The following CTNNA2 variants were observed in gnomAD, a reference collection of about 807,000 sequenced individuals.
CTNNA2 encodes the protein catenin alpha-2.
CTNNA2 carries 42 observed loss-of-function variants against 101.0 expected under a neutral mutation model. That is an observed-to-expected ratio of 0.42 (90% CI 0.32 to 0.54). The LOEUF is 0.54. Among genes scored for constraint, CTNNA2 ranks in the 20% least tolerant of loss-of-function variants. CTNNA2 has a pLI of 0.14. For missense variants in CTNNA2, 871 were observed against 1,223.1 expected, an observed-to-expected ratio of 0.71 and a Z score of 4.29; for synonymous variants, 450 against 456.4, an observed-to-expected ratio of 0.99 and a Z score of 0.18.
At chr2:79,470,387 A>G (rs545900194) in intron 4 of CTNNA2, among the ~76,000 whole-genome samples, 1 of 152,330 alleles carries the variant, frequency 6.6e-6, no homozygotes, top group Admixed American at 6.5e-5. Context: ...CTGTAAATCC[A>G]AAGTAGCCCA....
chr2:79,288,966 C>T (rs552465057), intron 2 of CTNNA2, among the ~76,000 whole-genome samples: 40 of 152,270 alleles, frequency 2.6e-4, no homozygotes, highest in Admixed American at 4.6e-4. Context: ...ATTTGATAGT[C>T]ACTTTTTTTC....
At chr2:79,839,051 C>T (rs183213883) in intron 3 of CTNNA2, among the ~76,000 whole-genome samples, 15 of 152,054 alleles carry the variant, frequency 9.9e-5, no homozygotes, top group East Asian at 1.9e-4. Context: ...ATCTTTTAAG[C>T]GCACCCTATT....
chr2:80,150,714 C>T (rs1703646014), intron 7 of CTNNA2, among the ~76,000 whole-genome samples: 1 of 152,054 alleles, frequency 6.6e-6, no homozygotes, highest in Admixed American at 6.5e-5. Context: ...AGCACTATTC[C>T]CTGTAATTGC....
intron 4 of CTNNA2, among the ~76,000 whole-genome samples, chr2:79,434,676 A>G (rs140811985): frequency 6.6e-6 from 1 of 152,286 alleles, no homozygotes; most frequent in Admixed American, 6.5e-5. Flanking sequence ...AACAAAGATC[A>G]TCAGCCTAGG....
chr2:80,411,471 G>A (rs1420624675), intron 8 of CTNNA2, among the ~76,000 whole-genome samples: 1 of 152,148 alleles, frequency 6.6e-6, no homozygotes, highest in Non-Finnish European at 1.5e-5. Flanking sequence ...CTCCACAGGG[G>A]CTCTTCTTCT....
At chr2:79,624,663 G>T (rs987590617) in intron 1 of CTNNA2, among the ~76,000 whole-genome samples, 2 of 152,092 alleles carry the variant, frequency 1.3e-5, no homozygotes, top group Non-Finnish European at 2.9e-5. Context: ...AATCAATATT[G>T]ATTGAAAATA....
rs540641879 is a variant in CTNNA2, at chr2:79,859,880, T to G, written c.465+1701T>G. Among the ~76,000 whole-genome samples the G allele has an allele frequency of 1.6e-4, 24 of 152,296 alleles. 1 individual carries two copies. In the South Asian group the frequency reaches 5.0e-3, roughly 32 times the overall value. ...CCAGATAAATCTCAGATATCTCATC[T>G]GTTAAAGTGGGGCTAATGGCAGTGG... On this transcript the variant is annotated intron_variant, in intron 4 of 18. Coordinates refer to ENST00000402739, the MANE Select transcript of CTNNA2 (RefSeq NM_001282597.3).
At chr2:80,552,389 T>G (rs2149650310) in intron 11 of CTNNA2, among the ~76,000 whole-genome samples, 1 of 152,302 alleles carries the variant, frequency 6.6e-6, no homozygotes, top group African/African-American at 2.4e-5. Flanking sequence ...GCCTGTAGAT[T>G]GTTTTTAATA....
At chr2:79,430,431 G>A (rs1360052866) in intron 4 of CTNNA2, among the ~76,000 whole-genome samples, 3 of 152,056 alleles carry the variant, frequency 2.0e-5, no homozygotes, top group Non-Finnish European at 4.4e-5. Context: ...ACCTAGAAGC[G>A]CTGGCCTTAA....
Position 80,303,753 on chromosome 2 carries a change from A to T in CTNNA2, c.1057-89458A>T. ...ATCTGAAAGCAGGCCCCCAGCAGAC[A>T]CAAGACCACCCCCGAGGGCCTCCTC... On this transcript the variant is annotated intron_variant, in intron 7 of 18. Transcript: ENST00000402739. The surrounding 1 kb of genome is among the most constrained non-coding windows in gnomAD (Gnocchi z 7.7). The T allele has an allele frequency of 6.3e-7, 1 of 1,587,724 alleles. No individual in the cohort carries two copies. The highest frequency in any genetic ancestry group is 8.6e-7 in the Non-Finnish European group (1 of 1,167,670).
intron 3 of CTNNA2, among the ~76,000 whole-genome samples, chr2:79,820,207 C>T (rs1574054755): frequency 6.6e-6 from 1 of 152,102 alleles, no homozygotes; most frequent in Non-Finnish European, 1.5e-5. Context: ...AATCAATGGC[C>T]GTTTTATTGT....
chr2:80,397,565 G>A (rs1678131003), intron 8 of CTNNA2, among the ~76,000 whole-genome samples: 1 of 152,154 alleles, frequency 6.6e-6, no homozygotes, highest in Non-Finnish European at 1.5e-5. Context: ...TTTATAAAGG[G>A]GAATTCCCCT....
At chr2:80,325,344 G>T (rs1370862936) in intron 7 of CTNNA2, among the ~76,000 whole-genome samples, 2 of 152,116 alleles carry the variant, frequency 1.3e-5, no homozygotes, top group African/African-American at 4.8e-5. Flanking sequence ...GAAGTATTTG[G>T]CAATTAAATG....
intron 17 of CTNNA2, chr2:80,616,337 C>T (rs1698849803): frequency 6.6e-6 from 1 of 151,602 alleles, no homozygotes; most frequent in Non-Finnish European, 1.5e-5. Flanking sequence ...TGCTGCTATC[C>T]ACATTTATTG....
intron 7 of CTNNA2, among the ~76,000 whole-genome samples, chr2:80,039,707 T>C (rs1695909320): frequency 6.6e-6 from 1 of 152,192 alleles, no homozygotes; most frequent in African/African-American, 2.4e-5. Context: ...ATTTCTGTGT[T>C]CATTGGCTTC....
Position 79,854,894 on chromosome 2 carries a change from C to T in CTNNA2, c.299-3119C>T, listed in dbSNP as rs540347407. Among the ~76,000 whole-genome samples, 9 of 152,274 alleles carry T rather than the reference C, an allele frequency of 5.9e-5. No individual in the cohort carries two copies. The South Asian group carries it at 1.9e-3, about 32-fold the overall frequency. Reference sequence around the variant, plus strand: ...AAATATTTCAATCTTATAGAAAAAGCACTTTTCTCTACATTCCTGGGAAAG... The same window carrying T: ...AAATATTTCAATCTTATAGAAAAAGTACTTTTCTCTACATTCCTGGGAAAG... On this transcript the variant is annotated intron_variant, in intron 3 of 18. Transcript: ENST00000402739.
intron 7 of CTNNA2, among the ~76,000 whole-genome samples, chr2:80,382,845 G>A (rs1323649569): frequency 6.6e-6 from 1 of 152,178 alleles, no homozygotes; most frequent in African/African-American, 2.4e-5. Flanking sequence ...GTAGCTGAGT[G>A]GTTTGGGGAA....
rs113830170 is a variant in CTNNA2, at chr2:79,888,209, G to A, written c.852+13867G>A. ...AATACATGTGAGCTTATAGGAAGAG[G>A]AGTGCAAGGTAGGGTGGTGAGTCAA... On this transcript the variant is annotated intron_variant, in intron 6 of 18. Transcript: ENST00000402739. 4.2e-3 allele frequency among the ~76,000 whole-genome samples: 643 copies of A among 152,282 alleles called. 7 individuals carry two copies. The highest frequency in any genetic ancestry group is 0.014 in the African/African-American group (596 of 41,542).
intron 1 of CTNNA2, among the ~76,000 whole-genome samples, chr2:79,589,655 G>A (rs74796253): frequency 6.6e-6 from 1 of 152,106 alleles, no homozygotes; most frequent in East Asian, 1.9e-4. Flanking sequence ...GGATTAAGGA[G>A]AGAACGATGT....
Sources: gnomAD v4.1 joint callset for allele counts (sites outside exome capture counted in the v4.1 genomes callset) on GRCh38, gnomAD v4.1.1 for gene constraint, Gnocchi (gnomAD v3.1) non-coding constraint, MANE v1.5 for transcripts, NCBI Gene and HGNC (gene_info 2026-07-23, HGNC 2026-07-21) for gene names.